PIP4K2A: variants seen among roughly 807,000 people sequenced by gnomAD.
PIP4K2A encodes the protein phosphatidylinositol 5-phosphate 4-kinase type-2 alpha.
In PIP4K2A, 14 loss-of-function variants were observed where a neutral mutation model predicts 42.9. That is an observed-to-expected ratio of 0.33 (90% CI 0.22 to 0.51). The LOEUF (loss-of-function observed/expected upper bound fraction) is 0.51. PIP4K2A is among the 20% of genes least tolerant of loss of function. The pLI is 0.97. For synonymous variants in PIP4K2A, 192 were observed against 192.2 expected (o/e 1.00, Z 0.01); for missense variants, 434 against 519.8 (o/e 0.83, Z 1.61).
intron 4 of PIP4K2A, among the ~76,000 whole-genome samples, chr10:22,576,023 A>G (rs777310787): frequency 6.6e-6 from 1 of 152,154 alleles, no homozygotes; most frequent in Admixed American, 6.5e-5. Flanking sequence ...TGGCTCACTT[A>G]TGGGGCTCCT....
Position 22,656,900 on chromosome 10 carries a change from C to A in PIP4K2A, c.145-47183G>T, listed in dbSNP as rs544108119. ...CTGGATTTTTTTTATACTTGAAGTT[C>A]TCTTTCTGATCAAGTCAGTTTGAGT... On this transcript the variant is annotated intron_variant, in intron 1 of 9. Transcript: ENST00000376573. Among the ~76,000 whole-genome samples the A allele has an allele frequency of 1.4e-3, 215 of 151,532 alleles. 9 individuals are homozygous for A. In the South Asian group the frequency reaches 0.043, roughly 31 times the overall value.
At chr10:22,624,731 G>T (rs1359753042) in intron 1 of PIP4K2A, among the ~76,000 whole-genome samples, 1 of 152,184 alleles carries the variant, frequency 6.6e-6, no homozygotes, top group Non-Finnish European at 1.5e-5. Context: ...AAGTAAAGGT[G>T]AGACTCAACA....
rs575784802 is a variant in PIP4K2A, at chr10:22,542,080, C to T, written c.793-33G>A. On this transcript the variant is annotated intron_variant, in intron 7 of 9. Transcript: ENST00000376573. ...CAGAGGCAACAGGGTGAGTCAGCCA[C>T]ACCTTAAACATAAAAGCCAACATTT... The T allele has an allele frequency of 3.2e-6, 5 of 1,558,000 alleles. No individual in the cohort carries two copies. In the South Asian group the frequency reaches 4.8e-5, roughly 15 times the overall value.
intron 1 of PIP4K2A, among the ~76,000 whole-genome samples, chr10:22,689,638 T>C (rs998069549): frequency 3.3e-5 from 5 of 151,926 alleles, no homozygotes; most frequent in African/African-American, 9.7e-5. Context: ...GTATGGGGAG[T>C]GGTCCTGAAA....
chr10:22,577,933 T>C (rs1837163297), intron 4 of PIP4K2A, among the ~76,000 whole-genome samples: 1 of 152,356 alleles, frequency 6.6e-6, no homozygotes, highest in East Asian at 1.9e-4. Flanking sequence ...TGGGGACACC[T>C]GATTATGCCA....
At chr10:22,698,226 TATAAAG>T (rs1840008956) in intron 1 of PIP4K2A, among the ~76,000 whole-genome samples, 1 of 152,194 alleles carries the variant, frequency 6.6e-6, no homozygotes. Flanking sequence ...TGAAAATCTC[TATAAAG>T]AGATTTAAAT....
intron 1 of PIP4K2A, among the ~76,000 whole-genome samples, chr10:22,690,336 A>C (rs1169610036): frequency 5.9e-5 from 9 of 152,156 alleles, no homozygotes; most frequent in Non-Finnish European, 7.3e-5. Flanking sequence ...TAGGCTCCTA[A>C]ATCTGAACTC....
chr10:22,541,925 A>G lies in PIP4K2A; in HGVS notation c.915T>C (p.Asp305=). 1.2e-6 allele frequency: 2 copies of G among 1,614,044 alleles called. No individual in the cohort carries two copies. The highest frequency in any genetic ancestry group is 1.7e-6 in the Non-Finnish European group (2 of 1,179,974). Residue 305 remains aspartate (D), a synonymous_variant, in exon 8 of 10, where the codon GAT becomes GAC. Coordinates refer to ENST00000376573, the MANE Select transcript of PIP4K2A (RefSeq NM_005028.5). ...GGGGGGTTCCCACCGGGTGGGTGCCATCGCTCTCGCCCTCCTCCTCCCCAT... is the reference window on the plus strand; with the variant it reads ...GGGGGGTTCCCACCGGGTGGGTGCCGTCGCTCTCGCCCTCCTCCTCCCCAT... The part of the protein sequence containing the change: ...ENDGEEEGES[D]GTHPVGTPPD...
intron 9 of PIP4K2A, among the ~76,000 whole-genome samples, chr10:22,538,194 T>C (rs187554555): frequency 8.4e-4 from 128 of 152,360 alleles, no homozygotes; most frequent in Non-Finnish European, 2.9e-4. Context: ...CAGGCTTGAA[T>C]GCAGAGAGAA....
chr10:22,691,761 C>A (rs894048762), intron 1 of PIP4K2A: 4 of 152,122 alleles, frequency 2.6e-5, no homozygotes, highest in Non-Finnish European at 4.4e-5. Flanking sequence ...CAGGAGCACA[C>A]CTCAAACAAC....
chr10:22,660,788 A>T (rs1192288486), intron 1 of PIP4K2A, among the ~76,000 whole-genome samples: 1 of 152,154 alleles, frequency 6.6e-6, no homozygotes, highest in Non-Finnish European at 1.5e-5. Flanking sequence ...ATACTTCTAG[A>T]ACTCAAGAAA....
At chr10:22,693,761 G>C (rs1166702859) in intron 1 of PIP4K2A, among the ~76,000 whole-genome samples, 1 of 151,960 alleles carries the variant, frequency 6.6e-6, no homozygotes, top group African/African-American at 2.4e-5. Flanking sequence ...CTATCACTGA[G>C]CACTGTTTCT....
Position 22,536,345 on chromosome 10 carries a change from G to A in PIP4K2A, c.*856C>T, listed in dbSNP as rs1588606740. 3.1e-6 allele frequency: 1 copy of A among 318,696 alleles called. No individual in the cohort carries two copies. The allele number at this position is 318,696 out of a possible 1,614,324, so 19.7% of individuals were successfully genotyped here. A position where few individuals can be genotyped will look rare whatever the true frequency, so the allele number is the denominator to read the frequency against. ...CATTAATTCCTATATTGCAACGTAA[G>A]GGTGAACAATGAAGGCTCCAGGCAA... On this transcript the variant is annotated 3_prime_UTR_variant, in exon 10 of 10. Transcript: ENST00000376573.
intron 6 of PIP4K2A, among the ~76,000 whole-genome samples, chr10:22,563,505 C>CT (rs1216717372): frequency 2.0e-5 from 3 of 152,316 alleles, no homozygotes; most frequent in African/African-American, 2.4e-5. Context: ...TTAGAATCAA[C>CT]TGTTTCAGCA....
intron 1 of PIP4K2A, among the ~76,000 whole-genome samples, chr10:22,629,480 T>C (rs954693726): frequency 6.6e-6 from 1 of 152,172 alleles, no homozygotes; most frequent in Non-Finnish European, 1.5e-5. Flanking sequence ...GTTGTCCTTT[T>C]AAAAGAAAAC....
chr10:22,561,784 T>C (rs1284753487), intron 6 of PIP4K2A, among the ~76,000 whole-genome samples: 1 of 151,838 alleles, frequency 6.6e-6, no homozygotes, highest in East Asian at 1.9e-4. Context: ...AGGGTGGTCT[T>C]GAACTCCCGA....
chr10:22,554,691 T>C (rs76661504), intron 6 of PIP4K2A, among the ~76,000 whole-genome samples: 5,435 of 152,314 alleles, frequency 0.036, 141 homozygotes, highest in Middle Eastern at 0.054. Flanking sequence ...TGAATTCAGC[T>C]CTGGCCAGTT....
intron 1 of PIP4K2A, among the ~76,000 whole-genome samples, chr10:22,652,149 A>G (rs1171493): frequency 0.27 from 40,458 of 151,180 alleles, 5,734 homozygotes; most frequent in Non-Finnish European, 0.31. Flanking sequence ...ACAGACTCTT[A>G]CTCTGTCACC....
At chr10:22,551,114 A>C (rs545416184) in intron 6 of PIP4K2A, among the ~76,000 whole-genome samples, 1 of 152,330 alleles carries the variant, frequency 6.6e-6, no homozygotes, top group African/African-American at 2.4e-5. Flanking sequence ...TCTAAGTATA[A>C]AATTTGTATT....
Sources: gnomAD v4.1 joint callset for allele counts (sites outside exome capture counted in the v4.1 genomes callset) on GRCh38, gnomAD v4.1.1 for gene constraint, MANE v1.5 for transcripts, NCBI Gene and HGNC (gene_info 2026-07-23, HGNC 2026-07-21) for gene names.